PDE4D: variants seen among roughly 807,000 people sequenced by gnomAD.
The protein encoded by PDE4D is 3',5'-cyclic-AMP phosphodiesterase 4D.
In PDE4D, 24 loss-of-function variants were observed where a neutral mutation model predicts 87.4. The observed-to-expected ratio is 0.27, with a 90% CI of 0.20 to 0.39. The LOEUF is 0.39. Ranked by LOEUF, PDE4D falls within the 10% of genes least tolerant of loss-of-function variation. PDE4D has a pLI of 1.00. For missense variants in PDE4D, 714 were observed against 1,041.0 expected (o/e 0.69, Z 4.32); for synonymous variants, 384 against 383.2 (o/e 1.00, Z -0.02).
intron 1 of PDE4D, among the ~76,000 whole-genome samples, chr5:59,220,380 A>G (rs1752256218): frequency 9.3e-6 from 1 of 107,786 alleles, no homozygotes; most frequent in Non-Finnish European, 1.7e-5. Context: ...TCTGTCTCAA[A>G]AAAAAAAAAA....
At chr5:59,833,949 T>C (rs1157236200) in intron 1 of PDE4D, among the ~76,000 whole-genome samples, 1 of 152,096 alleles carries the variant, frequency 6.6e-6, no homozygotes, top group Non-Finnish European at 1.5e-5. Flanking sequence ...TAATGTTATG[T>C]CAGTTATTAA....
chr5:60,278,228 T>A (rs907095484), intron 1 of PDE4D, among the ~76,000 whole-genome samples: 1 of 152,166 alleles, frequency 6.6e-6, no homozygotes, highest in African/African-American at 2.4e-5. Flanking sequence ...TAAAAAAAAA[T>A]GTGTGTCACT....
chr5:59,518,044 C>G (rs1260076614), intron 1 of PDE4D, among the ~76,000 whole-genome samples: 1 of 152,118 alleles, frequency 6.6e-6, no homozygotes. Flanking sequence ...TGAATGTCTT[C>G]CTATTCCAGT....
chr5:59,847,534 C>T (rs1744045343), intron 1 of PDE4D, among the ~76,000 whole-genome samples: 4 of 152,054 alleles, frequency 2.6e-5, no homozygotes, highest in African/African-American at 7.2e-5. Flanking sequence ...TCTTTTTTAC[C>T]AGTCAAATTC....
Position 59,711,400 on chromosome 5 carries a change from A to T in PDE4D, c.455+181768T>A, listed in dbSNP as rs188256237. 4.4e-3 allele frequency among the ~76,000 whole-genome samples: 657 copies of T among 149,348 alleles called. 5 individuals carry two copies. The highest frequency in any genetic ancestry group is 0.011 in the African/African-American group (454 of 40,746). On this transcript the variant is annotated intron_variant, in intron 1 of 14. Transcript: ENST00000340635. ...ACAATGTAAATTAGCTAAAAAAATT[A>T]AAAAAAATAATATATCCATTCATTT...
intron 1 of PDE4D, among the ~76,000 whole-genome samples, chr5:59,745,796 G>A (rs529871447): frequency 6.6e-6 from 1 of 152,210 alleles, no homozygotes; most frequent in African/African-American, 2.4e-5. Context: ...TGCTTGCAGG[G>A]CGCACTCCTA....
rs1333732499 is a variant in PDE4D, at chr5:59,709,462, G to A, written c.455+183706C>T. ...TTGAAAGAGGAAAGGTGTTAGTGGC[G>A]CCAACAACTTGCTACCCTGCTGAGA... On this transcript the variant is annotated intron_variant, in intron 1 of 14. Transcript: ENST00000340635. Among the ~76,000 whole-genome samples the A allele has an allele frequency of 2.0e-5, 3 of 152,142 alleles. No individual in the cohort carries two copies. The South Asian group carries it at 6.2e-4, about 32-fold the overall frequency.
chr5:59,116,198 C>T (rs1475590814), intron 5 of PDE4D, among the ~76,000 whole-genome samples: 1 of 152,058 alleles, frequency 6.6e-6, no homozygotes, highest in Non-Finnish European at 1.5e-5. Flanking sequence ...TTTTTGAGCA[C>T]ATATATTCAA....
intron 1 of PDE4D, among the ~76,000 whole-genome samples, chr5:59,389,326 A>T (rs1306435237): frequency 1.4e-5 from 2 of 144,716 alleles, no homozygotes; most frequent in African/African-American, 4.9e-5. Context: ...ATTTAAAAGT[A>T]AATTGTAAAT....
chr5:59,864,528 A>G (rs1232497370), intron 1 of PDE4D, among the ~76,000 whole-genome samples: 1 of 152,148 alleles, frequency 6.6e-6, no homozygotes, highest in African/African-American at 2.4e-5. Context: ...TAATTATTCA[A>G]TGTTGGCTAA....
intron 1 of PDE4D, among the ~76,000 whole-genome samples, chr5:60,290,249 G>C (rs188017576): frequency 6.6e-6 from 1 of 152,102 alleles, no homozygotes; most frequent in African/African-American, 2.4e-5. Context: ...ATAACAGAAG[G>C]CACAAAGCAC....
intron 1 of PDE4D, among the ~76,000 whole-genome samples, chr5:59,489,755 T>C (rs1037856307): frequency 2.0e-5 from 3 of 152,158 alleles, no homozygotes; most frequent in African/African-American, 7.2e-5. Context: ...AAACTTGCAA[T>C]GAAAGAACTG....
At chr5:59,394,026 A>G (rs892919109) in intron 1 of PDE4D, among the ~76,000 whole-genome samples, 1 of 152,164 alleles carries the variant, frequency 6.6e-6, no homozygotes, top group African/African-American at 2.4e-5. Context: ...CAGATTTTGG[A>G]TACTCATTTC....
intron 1 of PDE4D, among the ~76,000 whole-genome samples, chr5:59,449,850 A>C (rs1798884458): frequency 6.6e-6 from 1 of 152,182 alleles, no homozygotes. Flanking sequence ...AGCTCCACAG[A>C]ACTATGATTT....
chr5:60,094,588 C>CTTTTT (rs3087200), intron 2 of PDE4D, among the ~76,000 whole-genome samples: 1 of 58,200 alleles, frequency 1.7e-5, no homozygotes, highest in Non-Finnish European at 3.1e-5. Context: ...GAGTGACATG[C>CTTTTT]TTTTTTTTTT....
chr5:60,264,475 A>G (rs1749980084), intron 1 of PDE4D, among the ~76,000 whole-genome samples: 1 of 152,230 alleles, frequency 6.6e-6, no homozygotes, highest in Non-Finnish European at 1.5e-5. Context: ...GTTGCTGGTA[A>G]CAGCCATCTA....
intron 1 of PDE4D, among the ~76,000 whole-genome samples, chr5:59,431,029 A>G (rs1355656248): frequency 6.6e-6 from 1 of 152,134 alleles, no homozygotes; most frequent in African/African-American, 2.4e-5. Flanking sequence ...GATAGAACTG[A>G]ACTTAGCCTC....
At chr5:59,369,240 T>C (rs255812) in intron 1 of PDE4D, among the ~76,000 whole-genome samples, 21,940 of 152,102 alleles carry the variant, frequency 0.14, 1,640 homozygotes, top group East Asian at 0.22. Flanking sequence ...TGTGTAGGAA[T>C]CTACACATAT....
intron 5 of PDE4D, among the ~76,000 whole-genome samples, chr5:59,152,219 T>C (rs1023758489): frequency 6.6e-6 from 1 of 152,160 alleles, no homozygotes; most frequent in African/African-American, 2.4e-5. Context: ...ATGCCCAGTC[T>C]TAGCACAGTG....
Sources: gnomAD v4.1 joint callset for allele counts (sites outside exome capture counted in the v4.1 genomes callset) on GRCh38, gnomAD v4.1.1 for gene constraint, MANE v1.5 for transcripts, NCBI Gene and HGNC (gene_info 2026-07-23, HGNC 2026-07-21) for gene names.